R3HCC1L: variants seen among roughly 807,000 people sequenced by gnomAD.
R3HCC1L encodes the protein coiled-coil domain-containing protein R3HCC1L.
A neutral mutation model predicts 59.9 loss-of-function variants in R3HCC1L; 51 were observed. The ratio of observed to expected loss-of-function variants is 0.85; its 90% CI spans 0.68 to 1.07. The LOEUF (loss-of-function observed/expected upper bound fraction) is 1.07. Among genes scored for constraint, R3HCC1L ranks in the 50% least tolerant of loss-of-function variants. R3HCC1L has a pLI of 0.00. For synonymous variants in R3HCC1L, 322 were observed against 315.2 expected (o/e 1.02, Z -0.23); for missense variants, 965 against 933.0 (o/e 1.03, Z -0.45).
chr10:98,169,276 A>G (rs1159612233), intron 4 of R3HCC1L, among the ~76,000 whole-genome samples: 13 of 152,218 alleles, frequency 8.5e-5, no homozygotes, highest in Non-Finnish European at 1.5e-5. Flanking sequence ...GCTGAATATC[A>G]GGCAGTCTAG....
At chr10:98,143,742 A>G (rs1461392977) in intron 1 of R3HCC1L, among the ~76,000 whole-genome samples, 1 of 152,204 alleles carries the variant, frequency 6.6e-6, no homozygotes, top group Non-Finnish European at 1.5e-5. Flanking sequence ...TTGAGTTATT[A>G]CTACTGTCAT....
chr10:98,174,273 A>G (rs1848787328), intron 4 of R3HCC1L, among the ~76,000 whole-genome samples: 1 of 152,190 alleles, frequency 6.6e-6, no homozygotes, highest in South Asian at 2.1e-4. Flanking sequence ...AGATACGAAG[A>G]TGAATTGGGC....
intron 4 of R3HCC1L, among the ~76,000 whole-genome samples, chr10:98,165,840 AG>A (rs1248099731): frequency 6.6e-6 from 1 of 152,190 alleles, no homozygotes; most frequent in Non-Finnish European, 1.5e-5. Context: ...TTAGTCATGA[AG>A]GTGGAGCCCT....
At chr10:98,239,338 G>C (rs1191041712) in intron 9 of R3HCC1L, among the ~76,000 whole-genome samples, 3 of 152,152 alleles carry the variant, frequency 2.0e-5, no homozygotes, top group African/African-American at 7.2e-5. Flanking sequence ...TTCTTGGTGA[G>C]TTTTGACATG....
At chr10:98,145,992 C>T in intron 1 of R3HCC1L, among the ~76,000 whole-genome samples, 1 of 152,078 alleles carries the variant, frequency 6.6e-6, no homozygotes, top group Admixed American at 6.6e-5. Context: ...TGGTCATATC[C>T]CTTGTCCCCA....
intron 7 of R3HCC1L, among the ~76,000 whole-genome samples, chr10:98,235,104 A>G (rs1422879280): frequency 6.6e-6 from 1 of 152,224 alleles, no homozygotes; most frequent in Non-Finnish European, 1.5e-5. Context: ...GGTCTCTGTC[A>G]CTACTTAACT....
rs185226013 is a variant in R3HCC1L, at chr10:98,191,973, C to T, written c.-14-16128C>T. Among the ~76,000 whole-genome samples, 175 of 152,130 alleles carry T rather than the reference C, an allele frequency of 1.2e-3. 1 individual carries two copies. The highest frequency in any genetic ancestry group is 4.1e-3 in the African/African-American group (170 of 41,520). ...CCAAGTAGCTGGGATTACAGGCACC[C>T]GCCACCACGCCTGGCTAATTTTTGT... On this transcript the variant is annotated intron_variant, in intron 4 of 9. Coordinates refer to ENST00000298999, the MANE Select transcript of R3HCC1L (RefSeq NM_001351015.2).
intron 4 of R3HCC1L, among the ~76,000 whole-genome samples, chr10:98,177,893 G>C (rs975807381): frequency 2.6e-5 from 4 of 151,904 alleles, no homozygotes; most frequent in Non-Finnish European, 5.9e-5. Flanking sequence ...ATTTTTTCTT[G>C]TAAATTTGTT....
intron 4 of R3HCC1L, among the ~76,000 whole-genome samples, chr10:98,191,404 G>T (rs1473523997): frequency 6.6e-6 from 1 of 152,214 alleles, no homozygotes; most frequent in Non-Finnish European, 1.5e-5. Context: ...CTGATGACCA[G>T]TGAAGATGAG....
At chr10:98,177,046 T>C (rs1051471045) in intron 4 of R3HCC1L, among the ~76,000 whole-genome samples, 3 of 152,176 alleles carry the variant, frequency 2.0e-5, no homozygotes, top group African/African-American at 7.2e-5. Context: ...ATTAATTTAT[T>C]ATACTTTAAG....
intron 1 of R3HCC1L, among the ~76,000 whole-genome samples, chr10:98,143,805 A>G (rs1442151188): frequency 6.6e-6 from 1 of 152,214 alleles, no homozygotes; most frequent in African/African-American, 2.4e-5. Flanking sequence ...GGTCTAGGGC[A>G]TTACTTTGTA....
At chr10:98,218,241 C>T (rs1005937363) in intron 5 of R3HCC1L, among the ~76,000 whole-genome samples, 2 of 151,978 alleles carry the variant, frequency 1.3e-5, no homozygotes, top group Non-Finnish European at 2.9e-5. Context: ...TCATCAAGTG[C>T]TTTTTCTGTA....
chr10:98,140,800 C>T (rs1273945015), intron 1 of R3HCC1L, among the ~76,000 whole-genome samples: 1 of 152,054 alleles, frequency 6.6e-6, no homozygotes, highest in East Asian at 1.9e-4. Context: ...AATATCAAGT[C>T]AATTTATGTA....
At chr10:98,195,910 G>A (rs538094804) in intron 4 of R3HCC1L, among the ~76,000 whole-genome samples, 2 of 152,276 alleles carry the variant, frequency 1.3e-5, no homozygotes, top group South Asian at 4.1e-4. Context: ...TTAAATATGT[G>A]TTCCTTAGAC....
intron 4 of R3HCC1L, among the ~76,000 whole-genome samples, chr10:98,193,167 C>T (rs1851044263): frequency 6.6e-6 from 1 of 152,040 alleles, no homozygotes; most frequent in Non-Finnish European, 1.5e-5. Context: ...TCACAGCTAA[C>T]ATAATCATTA....
intron 5 of R3HCC1L, 81 bp from the exon 6 acceptor site, chr10:98,231,431 A>G: frequency 7.8e-7 from 1 of 1,279,296 alleles, no homozygotes; most frequent in Non-Finnish European, 1.1e-6. Flanking sequence ...GAAAGGGAGG[A>G]GGATTGTTTA....
intron 4 of R3HCC1L, among the ~76,000 whole-genome samples, chr10:98,203,368 GTAT>G (rs1273984972): frequency 1.3e-5 from 2 of 152,144 alleles, no homozygotes; most frequent in Non-Finnish European, 2.9e-5. Flanking sequence ...GGTACCATTT[GTAT>G]TATTTTTACT....
rs11189509 is a variant in R3HCC1L at position 98,195,424 on chromosome 10, G to A, written c.-14-12677G>A. 1.6e-3 allele frequency among the ~76,000 whole-genome samples: 241 copies of A among 151,608 alleles called. 1 individual carries two copies. Among genetic ancestry groups the A allele is most frequent in the African/African-American group, 5.7e-3 (235 of 41,368 alleles). On this transcript the variant is annotated intron_variant, in intron 4 of 9. Transcript: ENST00000298999. Reference sequence around the variant, plus strand: ...ATACTGTGCTATACACTTGAGAATTGTGAAGAGGTAAATTTATGTTCTTTT... The same window carrying A: ...ATACTGTGCTATACACTTGAGAATTATGAAGAGGTAAATTTATGTTCTTTT...
chr10:98,140,203 G>T (rs1274322956), intron 1 of R3HCC1L, among the ~76,000 whole-genome samples: 7 of 152,180 alleles, frequency 4.6e-5, no homozygotes, highest in African/African-American at 1.7e-4. Context: ...AAGAAGGGAA[G>T]CAGTTGGATT....
Sources: allele counts gnomAD v4.1 joint callset (sites outside exome capture counted in the v4.1 genomes callset), GRCh38; gene constraint gnomAD v4.1.1; transcripts MANE v1.5; gene names NCBI Gene and HGNC (gene_info 2026-07-23, HGNC 2026-07-21).